FUT8: variants seen among roughly 807,000 people sequenced by gnomAD.
FUT8 encodes alpha-(1,6)-fucosyltransferase.
Under a neutral mutation model 71.3 loss-of-function variants are expected in FUT8, and 29 were observed. That is an observed-to-expected ratio of 0.41 (90% CI 0.30 to 0.55). The LOEUF is 0.55. Among genes scored for constraint, FUT8 ranks in the 20% least tolerant of loss-of-function variants. The pLI is 0.34. For synonymous variants in FUT8, 254 were observed against 239.3 expected (o/e 1.06, Z -0.57); for missense variants, 544 against 702.1 (o/e 0.77, Z 2.55).
chr14:65,462,313 A>T (rs974863890), intron 2 of FUT8, among the ~76,000 whole-genome samples: 1 of 152,212 alleles, frequency 6.6e-6, no homozygotes, highest in African/African-American at 2.4e-5. Flanking sequence ...GATCTCTCTG[A>T]CTTACCATTT....
chr14:65,733,769 TG>T, intron 10 of FUT8, among the ~76,000 whole-genome samples: 1 of 152,312 alleles, frequency 6.6e-6, no homozygotes, highest in African/African-American at 2.4e-5. Context: ...GCACTGATAC[TG>T]AGAGGCTTAA....
At chr14:65,358,814 GT>G in the FUT8 span, among the ~76,000 whole-genome samples, 2 of 151,928 alleles carry the variant, frequency 1.3e-5, no homozygotes, top group East Asian at 1.9e-4. Flanking sequence ...TGTTATTTGT[GT>G]TTTTTTGTGC....
intron 2 of FUT8, among the ~76,000 whole-genome samples, chr14:65,514,651 G>C (rs1245162524): frequency 1.3e-5 from 2 of 151,526 alleles, no homozygotes; most frequent in African/African-American, 4.9e-5. Context: ...TGTCTTCACC[G>C]CTGAGTAGGT....
the FUT8 span, among the ~76,000 whole-genome samples, chr14:65,371,661 T>C: frequency 6.6e-6 from 1 of 152,228 alleles, no homozygotes; most frequent in Non-Finnish European, 1.5e-5. Context: ...TCATTAGGAG[T>C]CCTTCAAGCT....
intron 3 of FUT8, among the ~76,000 whole-genome samples, chr14:65,572,705 GA>G (rs1357679733): frequency 6.6e-6 from 1 of 152,030 alleles, no homozygotes; most frequent in Non-Finnish European, 1.5e-5. Flanking sequence ...AATTATCAGC[GA>G]TAAAGATGGG....
At chr14:65,423,540 G>C (rs140839049) in intron 1 of FUT8, among the ~76,000 whole-genome samples, 14,961 of 152,114 alleles carry the variant, frequency 0.098, 993 homozygotes, top group East Asian at 0.38. Context: ...GGGATTACAG[G>C]CGTGAGCCAC....
intron 2 of FUT8, among the ~76,000 whole-genome samples, chr14:65,499,995 A>G (rs917434805): frequency 6.6e-6 from 1 of 152,320 alleles, no homozygotes; most frequent in Non-Finnish European, 1.5e-5. Context: ...GTTTGGTCTC[A>G]CATACACACT....
intron 2 of FUT8, among the ~76,000 whole-genome samples, chr14:65,474,441 G>GGAAAAAAAAAAAAAAAAAAAAAA (rs2066199474): frequency 2.5e-5 from 1 of 39,698 alleles, no homozygotes; most frequent in East Asian, 1.7e-3. Flanking sequence ...TGTCTCTACT[G>GGAAAAAAAAAAAAAAAAAAAAAA]AAAAAAAAAA....
intron 7 of FUT8, among the ~76,000 whole-genome samples, chr14:65,712,506 A>G (rs1894855383): frequency 6.6e-6 from 1 of 152,190 alleles, no homozygotes; most frequent in Non-Finnish European, 1.5e-5. Context: ...TGCAAATGGC[A>G]TGATGTCGGC....
At chr14:65,605,457 CCTA>C (rs1233680446) in intron 3 of FUT8, among the ~76,000 whole-genome samples, 8 of 151,636 alleles carry the variant, frequency 5.3e-5, no homozygotes, top group African/African-American at 1.9e-4. Context: ...TAAGGTGGAC[CCTA>C]ATCCAATGTG....
chr14:65,696,770 T>C (rs1040484550), intron 7 of FUT8, among the ~76,000 whole-genome samples: 2 of 152,186 alleles, frequency 1.3e-5, no homozygotes, highest in African/African-American at 4.8e-5. Context: ...TAATTCAGTT[T>C]TGTAAGTTTA....
At chr14:65,723,827 G>C (rs1895549034) in intron 8 of FUT8, among the ~76,000 whole-genome samples, 2 of 152,184 alleles carry the variant, frequency 1.3e-5, no homozygotes, top group South Asian at 4.1e-4. Flanking sequence ...CAGACAGCTG[G>C]TTGCTGCCTA....
intron 1 of FUT8, among the ~76,000 whole-genome samples, chr14:65,424,539 C>CTTTTTTTTTTT (rs796843891): frequency 5.7e-4 from 71 of 125,414 alleles, no homozygotes; most frequent in African/African-American, 1.4e-3. Flanking sequence ...CTTTTCTTTT[C>CTTTTTTTTTTT]TTTTTTTTTT....
Position 65,607,280 on chromosome 14 carries a change from A to G in FUT8, c.204-8698A>G, listed in dbSNP as rs894585998. 6.6e-6 allele frequency among the ~76,000 whole-genome samples: 1 copy of G among 151,924 alleles called. No individual in the cohort carries two copies. Among genetic ancestry groups the G allele is most frequent in the Non-Finnish European group, 1.5e-5 (1 of 67,910 alleles). ...CTGTCTTCTATTGTTCTTAGATTTA[A>G]AAGGAATGCTACTGATGAGTTGATC... On this transcript the variant is annotated intron_variant, in intron 3 of 10. Coordinates refer to ENST00000673929, the MANE Select transcript of FUT8 (RefSeq NM_001371533.1). The surrounding 1 kb of genome is among the most constrained non-coding windows in gnomAD (Gnocchi z 4.1).
chr14:65,697,775 A>C (rs1452449642), intron 7 of FUT8, among the ~76,000 whole-genome samples: 1 of 152,160 alleles, frequency 6.6e-6, no homozygotes, highest in East Asian at 1.9e-4. Context: ...GGAATTCGAG[A>C]GCATCCTGGC....
chr14:65,704,464 T>A (rs1161511949), intron 7 of FUT8, among the ~76,000 whole-genome samples: 1 of 152,164 alleles, frequency 6.6e-6, no homozygotes, highest in Non-Finnish European at 1.5e-5. Context: ...TTCTTGCCAA[T>A]GAAGAGAAGC....
chr14:65,539,299 G>T (rs1352362808), intron 2 of FUT8, among the ~76,000 whole-genome samples: 1 of 152,160 alleles, frequency 6.6e-6, no homozygotes, highest in East Asian at 1.9e-4. Flanking sequence ...TTGTAACTCT[G>T]CCCGTGAAGA....
At chr14:65,436,685 G>T (rs955864095) in intron 1 of FUT8, among the ~76,000 whole-genome samples, 2 of 151,794 alleles carry the variant, frequency 1.3e-5, no homozygotes, top group African/African-American at 4.8e-5. Flanking sequence ...GCCCTGACAA[G>T]GTCTTTGACA....
intron 2 of FUT8, among the ~76,000 whole-genome samples, chr14:65,547,452 A>G (rs1267063361): frequency 6.6e-6 from 1 of 151,562 alleles, no homozygotes; most frequent in East Asian, 1.9e-4. Context: ...CTTTGAGTCA[A>G]ATTTATTTTG....
Sources: allele counts gnomAD v4.1 joint callset (sites outside exome capture counted in the v4.1 genomes callset), GRCh38; gene constraint gnomAD v4.1.1; non-coding constraint Gnocchi (gnomAD v3.1); transcripts MANE v1.5; gene names NCBI Gene and HGNC (gene_info 2026-07-23, HGNC 2026-07-21).